The following HID1 variants were observed in gnomAD, a reference collection of about 807,000 sequenced individuals.
HID1 encodes protein HID1.
Under a neutral mutation model 89.7 loss-of-function variants are expected in HID1, and 42 were observed. That is an observed-to-expected ratio of 0.47 (90% CI 0.37 to 0.61). The LOEUF (loss-of-function observed/expected upper bound fraction) is 0.61, where lower values mean the gene tolerates loss of function less well. Ranked by LOEUF, HID1 falls within the 20% of genes least tolerant of loss-of-function variation. HID1 has a pLI of 0.00. For synonymous variants in HID1, 442 were observed against 433.8 expected, an observed-to-expected ratio of 1.02 and a Z score of -0.24; for missense variants, 854 against 1,039.3, an observed-to-expected ratio of 0.82 and a Z score of 2.45.
rs951595651 is a variant in HID1 at position 74,962,148 on chromosome 17, G to A, written c.611+86C>T. 1.6e-6 allele frequency: 2 copies of A among 1,256,662 alleles called. No homozygotes were observed. The highest frequency in any genetic ancestry group is 2.4e-5 in the East Asian group (1 of 41,292). The allele number at this position is 1,256,662 out of a possible 1,614,324, so 77.8% of individuals were successfully genotyped here. A position where few individuals can be genotyped will look rare whatever the true frequency, so the allele number is the denominator to read the frequency against. On this transcript the variant is annotated intron_variant, in intron 5 of 18. Coordinates refer to ENST00000425042, the MANE Select transcript of HID1 (RefSeq NM_030630.3). The surrounding 1 kb of genome is among the most constrained non-coding windows in gnomAD (Gnocchi z 4.3). ...GTCATAGGTGAGGACGGTCTTCTGG[G>A]AAGACCCCATGGGCTTTCTGAGCTG...
chr17:74,952,010 A>G lies in HID1; in HGVS notation c.2198T>C (p.Val733Ala). 1 of 1,560,226 alleles carries G rather than the reference A, an allele frequency of 6.4e-7. No individual in the cohort carries two copies. Among genetic ancestry groups the G allele is most frequent in the Non-Finnish European group, 8.7e-7 (1 of 1,151,782 alleles). ...GGGGTGGGGCACGGGCAGCAGCCCC[A>G]CCAGGGTGCCATGCTGCAGGAACCG... ...ILRFLQHGTL[V>A]GLLPVPHPIL... Residue 733 changes from valine to alanine, a missense_variant, in exon 18 of 19, where the codon GTG becomes GCG. By Grantham distance (64) the Val-to-Ala change is moderately conservative (BLOSUM62 0). Transcript: ENST00000425042.
In HID1 at chr17:74,956,250, C is replaced by A. The variant is rs1277968778; in HGVS notation, c.1472-294G>T. Among the ~76,000 whole-genome samples, 3 of 152,182 alleles carry A rather than the reference C, an allele frequency of 2.0e-5. No individual in the cohort carries two copies. The East Asian group carries it at 5.8e-4, about 29-fold the overall frequency. Reference sequence around the variant, plus strand: ...CCCATACCACGAGGGAGGCAGGACACAGACAAGATCATCCCCATTTTACAG... The same window carrying A: ...CCCATACCACGAGGGAGGCAGGACAAAGACAAGATCATCCCCATTTTACAG... On this transcript the variant is annotated intron_variant, in intron 12 of 18. Transcript: ENST00000425042.
intron 1 of HID1, among the ~76,000 whole-genome samples, chr17:74,969,319 G>A (rs1044504112): frequency 3.2e-4 from 49 of 151,494 alleles, no homozygotes; most frequent in Admixed American, 2.6e-4. Context: ...CTCAGCCCCC[G>A]GGATTACAGG....
chr17:74,968,074 C>G (rs1016604676), intron 1 of HID1: 6 of 152,366 alleles, frequency 3.9e-5, no homozygotes, highest in African/African-American at 1.2e-4. Context: ...CACTGTACTC[C>G]AGCGTGCATG....
intron 6 of HID1, 88 bp from the exon 7 acceptor site, chr17:74,960,336 C>A: frequency 8.6e-7 from 1 of 1,156,412 alleles, no homozygotes; most frequent in South Asian, 1.5e-5. Flanking sequence ...GAAGGTCAGC[C>A]TCATTCAACA....
intron 3 of HID1, 190 bp from the exon 4 acceptor site, chr17:74,963,271 C>T (rs1156260973): frequency 3.8e-5 from 21 of 553,560 alleles, no homozygotes; most frequent in South Asian, 2.3e-5. Context: ...AGCAGGGAGC[C>T]GGGCCGGGAA....
chr17:74,954,770 A>C, intron 13 of HID1: 1 of 255,786 alleles, frequency 3.9e-6, no homozygotes, highest in Non-Finnish European at 7.7e-6. Flanking sequence ...GGATCCGTCC[A>C]TCCCCCAACG....
Position 74,955,528 on chromosome 17 carries a change from T to C in HID1, c.1636+264A>G, listed in dbSNP as rs116572463. Among the ~76,000 whole-genome samples, 1,367 of 151,734 alleles carry C rather than the reference T, an allele frequency of 9.0e-3. 14 individuals carry two copies. Among genetic ancestry groups the C allele is most frequent in the African/African-American group, 0.032 (1,322 of 41,338 alleles). ...AAAAAAAAAAAATTTCAGATGTCCATCATCTGTTTGAAGCCTCCTTCCCTG... is the reference window on the plus strand; with the variant it reads ...AAAAAAAAAAAATTTCAGATGTCCACCATCTGTTTGAAGCCTCCTTCCCTG... On this transcript the variant is annotated intron_variant, in intron 13 of 18. Coordinates refer to ENST00000425042, the MANE Select transcript of HID1 (RefSeq NM_030630.3).
At chr17:74,954,778 A>C in intron 13 of HID1, 1 of 244,612 alleles carries the variant, frequency 4.1e-6, no homozygotes, top group Non-Finnish European at 8.0e-6. Flanking sequence ...CCATCCCCCA[A>C]CGCTGACTTC....
In HID1 at chr17:74,962,060, G is replaced by C. The variant is rs1203853195; in HGVS notation, c.612-71C>G. On this transcript the variant is annotated intron_variant, in intron 5 of 18. Coordinates refer to ENST00000425042, the MANE Select transcript of HID1 (RefSeq NM_030630.3). The surrounding 1 kb of genome is among the most constrained non-coding windows in gnomAD (Gnocchi z 4.3). ...TTGGAGGTTCTGCCCACCCAGCCCA[G>C]CGCCCCAGCCCAGGTCCATGGAAGG... 3.9e-6 allele frequency: 5 copies of C among 1,267,586 alleles called. No individual in the cohort carries two copies. The highest frequency in any genetic ancestry group is 5.4e-6 in the Non-Finnish European group (5 of 924,760). The allele number at this position is 1,267,586 out of a possible 1,614,324, so 78.5% of individuals were successfully genotyped here.
chr17:74,970,317 T>G (rs1403325141), intron 1 of HID1, among the ~76,000 whole-genome samples: 1 of 152,196 alleles, frequency 6.6e-6, no homozygotes, highest in African/African-American at 2.4e-5. Context: ...TCTCAGGGTG[T>G]GCAGGGGGAA....
rs1598632503 is a variant in HID1 at position 74,965,414 on chromosome 17, T to C, written c.67-782A>G. ...ACCTCAGCCCAGCACTCAGCCAAGA[T>C]CTCACAGAAACATGCCTTACACACG... On this transcript the variant is annotated intron_variant, in intron 1 of 18. Coordinates refer to ENST00000425042, the MANE Select transcript of HID1 (RefSeq NM_030630.3). Among the ~76,000 whole-genome samples the C allele has an allele frequency of 2.0e-5, 3 of 152,168 alleles. No individual in the cohort carries two copies. The East Asian group carries it at 5.8e-4, about 29-fold the overall frequency.
At chr17:74,970,486 A>G (rs1283759789) in intron 1 of HID1, among the ~76,000 whole-genome samples, 4 of 152,092 alleles carry the variant, frequency 2.6e-5, no homozygotes, top group African/African-American at 7.2e-5. Flanking sequence ...AGAGGGTTCC[A>G]GGTCTGGGAC....
At chr17:74,953,719 A>G in intron 14 of HID1, 68 bp from the exon 15 acceptor site, 1 of 1,263,660 alleles carries the variant, frequency 7.9e-7, no homozygotes, top group Non-Finnish European at 1.1e-6. Flanking sequence ...TCCTCCACCC[A>G]CTTTTTTATT....
intron 12 of HID1, among the ~76,000 whole-genome samples, chr17:74,956,502 G>T (rs2039392873): frequency 6.6e-6 from 1 of 152,166 alleles, no homozygotes. Flanking sequence ...TCACTAGGCT[G>T]AGGGCTCCAC....
At chr17:74,961,842 A>C in intron 6 of HID1, 31 bp downstream of exon 6, 1 of 1,344,128 alleles carries the variant, frequency 7.4e-7, no homozygotes, top group Non-Finnish European at 1.0e-6. Flanking sequence ...ATAAGAGGGA[A>C]GAGAGCGCAG....
intron 17 of HID1, 94 bp from the exon 18 acceptor site, chr17:74,952,157 G>A (rs1233612445): frequency 5.1e-5 from 77 of 1,510,030 alleles, no homozygotes; most frequent in African/African-American, 1.5e-4. Context: ...CCCATCACAC[G>A]CCTACCTAAG....
chr17:74,965,466 C>T lies in HID1; in HGVS notation c.67-834G>A, dbSNP rs186774961. Among the ~76,000 whole-genome samples, 193 of 152,350 alleles carry T rather than the reference C, an allele frequency of 1.3e-3. 1 individual carries two copies. Among genetic ancestry groups the T allele is most frequent in the Admixed American group, 2.9e-3 (44 of 15,296 alleles). Reference sequence around the variant, plus strand: ...GCACACAGACACACATGCGTACACACGTGTCATACACACATACACCTGCAT... The same window carrying T: ...GCACACAGACACACATGCGTACACATGTGTCATACACACATACACCTGCAT... On this transcript the variant is annotated intron_variant, in intron 1 of 18. Coordinates refer to ENST00000425042, the MANE Select transcript of HID1 (RefSeq NM_030630.3).
chr17:74,966,776 T>C (rs545011947), intron 1 of HID1, among the ~76,000 whole-genome samples: 4 of 151,976 alleles, frequency 2.6e-5, no homozygotes, highest in East Asian at 1.9e-4. Flanking sequence ...ATGGCTTTTG[T>C]AGAGACCCTA....
Sources: allele counts gnomAD v4.1 joint callset (sites outside exome capture counted in the v4.1 genomes callset), GRCh38; gene constraint gnomAD v4.1.1; non-coding constraint Gnocchi (gnomAD v3.1); transcripts MANE v1.5; gene names NCBI Gene and HGNC (gene_info 2026-07-23, HGNC 2026-07-21).